The following LIMCH1 variants were observed in gnomAD, a reference collection of about 807,000 sequenced individuals.
The protein encoded by LIMCH1 is LIM and calponin homology domains 1.
In LIMCH1, 113 loss-of-function variants were observed where a neutral mutation model predicts 176.5. The observed-to-expected ratio is 0.64, with a 90% CI of 0.55 to 0.75. The LOEUF is 0.75. Among genes scored for constraint, LIMCH1 ranks in the 30% least tolerant of loss-of-function variants. The pLI is 0.00. For missense variants in LIMCH1, 1,674 were observed against 1,814.9 expected, an observed-to-expected ratio of 0.92 and a Z score of 1.41; for synonymous variants, 619 against 645.9, an observed-to-expected ratio of 0.96 and a Z score of 0.63.
chr4:41,631,216 G>C lies in LIMCH1; in HGVS notation c.1340G>C (p.Arg447Pro), dbSNP rs749109649. 2 of 1,535,946 alleles carry C rather than the reference G, an allele frequency of 1.3e-6. No homozygotes were observed. The highest frequency in any genetic ancestry group is 2.7e-5 in the African/African-American group (2 of 73,024). Residue 447 changes from arginine to proline, a missense_variant, in exon 10 of 32, where the codon CGT becomes CCT. This residue lies in a region of LIMCH1 where 655 missense variants were observed against 692.2 expected (regional missense o/e 0.95). Coordinates refer to ENST00000503057, the MANE Select transcript of LIMCH1 (RefSeq NM_001330672.2). ...GAAATTAAAGCAGAAACTGCCATTC[G>C]TGATGACTTTGCCAACCGCAAAGCA... ...SPEIKAETAIRDDFANRKARA... is the reference protein window; with the variant it reads ...SPEIKAETAIPDDFANRKARA...
intron 7 of LIMCH1, among the ~76,000 whole-genome samples, chr4:41,626,467 G>T (rs1286171906): frequency 6.6e-6 from 1 of 152,106 alleles, no homozygotes; most frequent in Non-Finnish European, 1.5e-5. Context: ...CTTTTCTGTT[G>T]CTGGTGGAAG....
intron 1 of LIMCH1, among the ~76,000 whole-genome samples, chr4:41,406,621 G>T (rs1455450629): frequency 6.6e-6 from 1 of 152,164 alleles, no homozygotes; most frequent in Non-Finnish European, 1.5e-5. Context: ...GAAATGTCAA[G>T]GATTTTGTTT....
In LIMCH1 at chr4:41,676,402, C is replaced by T. The variant is rs781613700; in HGVS notation, c.3459C>T (p.Asp1153=). The change falls in exon 23 of 32, where the codon GAC becomes GAT. Residue 1153 remains aspartate, a synonymous_variant. Coordinates refer to ENST00000503057, the MANE Select transcript of LIMCH1 (RefSeq NM_001330672.2). Reference sequence around the variant, plus strand: ...AGCAGTTTAAGTTCTGGGCATGGGACCCAGAAGAGGAGCGCAGGCGACAGG... The same window carrying T: ...AGCAGTTTAAGTTCTGGGCATGGGATCCAGAAGAGGAGCGCAGGCGACAGG... ...VMTPFKFWAW[D]PEEERRRQEK... 3.7e-6 allele frequency: 6 copies of T among 1,613,712 alleles called. No homozygotes were observed. The South Asian group carries it at 6.6e-5, about 18-fold the overall frequency.
intron 1 of LIMCH1, among the ~76,000 whole-genome samples, chr4:41,371,251 C>T (rs1276903317): frequency 6.6e-6 from 1 of 152,150 alleles, no homozygotes; most frequent in East Asian, 1.9e-4. Flanking sequence ...ATACATAGCA[C>T]CGTTAGTTGC....
intron 3 of LIMCH1, among the ~76,000 whole-genome samples, chr4:41,527,808 G>A (rs1464698200): frequency 3.2e-5 from 4 of 126,648 alleles, no homozygotes; most frequent in Non-Finnish European, 6.2e-5. Context: ...GGGCGACAGA[G>A]CGAGACTCCG....
intron 1 of LIMCH1, among the ~76,000 whole-genome samples, chr4:41,379,900 G>T (rs1362617292): frequency 6.6e-6 from 1 of 152,120 alleles, no homozygotes; most frequent in Non-Finnish European, 1.5e-5. Flanking sequence ...CTGGGTTCAG[G>T]CAGTTCTCCT....
chr4:41,389,070 T>C (rs1353667582), intron 1 of LIMCH1: 1 of 152,338 alleles, frequency 6.6e-6, no homozygotes, highest in African/African-American at 2.4e-5. Flanking sequence ...CAACTTTCTT[T>C]GGTCATCTCA....
intron 1 of LIMCH1, among the ~76,000 whole-genome samples, chr4:41,573,835 A>G (rs112453436): frequency 2.3e-4 from 35 of 152,276 alleles, no homozygotes; most frequent in African/African-American, 7.7e-4. Context: ...CACACTTTGC[A>G]TGTGTAAAGT....
At position 41,670,918 on chromosome 4, in the gene LIMCH1, G is replaced by A. The variant is rs914880659; in HGVS notation, c.3398-636G>A. The A allele has an allele frequency of 1.3e-5, 19 of 1,427,778 alleles. No individual in the cohort carries two copies. The African/African-American group carries it at 2.5e-4, about 18-fold the overall frequency. 88.4% of individuals were successfully genotyped at this position (1,427,778 alleles called of 1,614,324 possible). ...AAAAATTATTTCTTATGCACAGTTA[G>A]CAAAGAGCTAGTTCTTTTATATTAC... On this transcript the variant is annotated intron_variant, in intron 21 of 31. Coordinates refer to ENST00000503057, the MANE Select transcript of LIMCH1 (RefSeq NM_001330672.2).
At chr4:41,627,056 A>T (rs749021034) in intron 8 of LIMCH1, 46 bp downstream of exon 8, 2 of 988,746 alleles carry the variant, frequency 2.0e-6, no homozygotes, top group Non-Finnish European at 2.7e-6. Flanking sequence ...GTGTGTGTCT[A>T]TGAAAGAGAC....
chr4:41,682,325 C>A lies in LIMCH1; in HGVS notation c.3718-8C>A. 6.2e-7 allele frequency: 1 copy of A among 1,601,950 alleles called. No homozygotes were observed. The highest frequency in any genetic ancestry group is 1.1e-5 in the South Asian group (1 of 89,660). On this transcript the variant is annotated splice_region_variant and splice_polypyrimidine_tract_variant and intron_variant, in intron 25 of 31. Transcript: ENST00000503057. ...TATACTTAAGATTTTCATTGTTTTT[C>A]TCCTTAGAATAAGATAGACCTGGGA...
intron 1 of LIMCH1, among the ~76,000 whole-genome samples, chr4:41,425,132 G>C (rs1020364292): frequency 6.6e-6 from 1 of 152,144 alleles, no homozygotes; most frequent in Admixed American, 6.5e-5. Flanking sequence ...ACTAAGAAGG[G>C]CATATCTGTT....
Position 41,627,017 on chromosome 4 carries a change from A to ACGG in LIMCH1, c.1028+7_1028+8insCGG. 1 of 1,316,092 alleles carries ACGG rather than the reference A, an allele frequency of 7.6e-7. No homozygotes were observed. The highest frequency in any genetic ancestry group is 2.9e-5 in the East Asian group (1 of 34,230). The allele number at this position is 1,316,092 out of a possible 1,614,324, so 81.5% of individuals were successfully genotyped here. On this transcript the variant is annotated splice_region_variant and intron_variant, in intron 8 of 31. Coordinates refer to ENST00000503057, the MANE Select transcript of LIMCH1 (RefSeq NM_001330672.2). ...GAAGTCTAGAATATAAAAGGTGTGC[A>ACGG]TGGTGTGTGTGTGTGTGTGTGTGTG...
intron 3 of LIMCH1, among the ~76,000 whole-genome samples, chr4:41,533,154 A>G (rs1443834097): frequency 6.6e-6 from 1 of 152,222 alleles, no homozygotes; most frequent in Admixed American, 6.5e-5. Flanking sequence ...GTGAGCAAGC[A>G]GGAAGGGCCT....
In LIMCH1 at chr4:41,685,758, A is replaced by T. The variant is rs1464235471; in HGVS notation, c.4016A>T (p.Asp1339Val). Residue 1339 changes from aspartate to valine, a missense_variant, in exon 28 of 32, where the codon GAT becomes GTT. Physicochemically the swap from Asp to Val is radical, Grantham distance 152 (BLOSUM62 -3). Coordinates refer to ENST00000503057, the MANE Select transcript of LIMCH1 (RefSeq NM_001330672.2). The part of the protein sequence containing the change: ...QTSNPTHSSE[D>V]VKPKTLPLDK... Reference sequence around the variant, plus strand: ...TCAAATCCAACGCACAGTTCAGAAGATGTGAAGCCAAAAACCCTCCCGCTG... The same window carrying T: ...TCAAATCCAACGCACAGTTCAGAAGTTGTGAAGCCAAAAACCCTCCCGCTG... 1 of 1,613,616 alleles carries T rather than the reference A, an allele frequency of 6.2e-7. No homozygotes were observed. Among genetic ancestry groups the T allele is most frequent in the African/African-American group, 1.3e-5 (1 of 74,902 alleles).
At position 41,619,359 on chromosome 4, in the gene LIMCH1, G is replaced by C. The variant is rs1245006277; in HGVS notation, c.377G>C (p.Arg126Thr). 1.2e-6 allele frequency: 2 copies of C among 1,614,022 alleles called. No individual in the cohort carries two copies. The highest frequency in any genetic ancestry group is 1.7e-6 in the Non-Finnish European group (2 of 1,180,038). ...ACGGCCTACGTCCCCGCGCCTCTGA[G>C]AAAGAAGAAAGCAGAGAGAGAGGAA... ...NQTAYVPAPL[R>T]KKKAEREEYR... Residue 126 changes from arginine (R) to threonine (T), a missense_variant, in exon 6 of 32, where the codon AGA becomes ACA. Around this residue, in one of 3 missense-constraint regions of LIMCH1, gnomAD observed 655 missense variants for 692.2 expected, o/e 0.95. Coordinates refer to ENST00000503057, the MANE Select transcript of LIMCH1 (RefSeq NM_001330672.2).
intron 1 of LIMCH1, among the ~76,000 whole-genome samples, chr4:41,399,037 A>G (rs2058094806): frequency 6.6e-6 from 1 of 152,152 alleles, no homozygotes; most frequent in Admixed American, 6.6e-5. Flanking sequence ...CAGGGTGCCC[A>G]TTGCTGTGCC....
chr4:41,638,155 G>A (rs1389817557), intron 13 of LIMCH1, among the ~76,000 whole-genome samples: 1 of 151,796 alleles, frequency 6.6e-6, no homozygotes, highest in Non-Finnish European at 1.5e-5. Flanking sequence ...CTGGAAATAT[G>A]GCTTGTAATG....
intron 1 of LIMCH1, among the ~76,000 whole-genome samples, chr4:41,565,488 GTGTT>G (rs1262540471): frequency 6.6e-6 from 1 of 150,886 alleles, no homozygotes; most frequent in African/African-American, 2.4e-5. Flanking sequence ...TTTCAAACTA[GTGTT>G]TGTTGTCTGT....
Sources: gnomAD v4.1 joint callset for allele counts (sites outside exome capture counted in the v4.1 genomes callset) on GRCh38, gnomAD v4.1.1 for gene constraint, gnomAD v4.1.1 regional missense constraint, MANE v1.5 for transcripts, NCBI Gene and HGNC (gene_info 2026-07-23, HGNC 2026-07-21) for gene names.